The following PRMT8 variants were observed in gnomAD, a reference collection of about 807,000 sequenced individuals.
PRMT8 encodes the protein protein arginine methyltransferase 8.
PRMT8 carries 7 observed loss-of-function variants against 47.1 expected under a neutral mutation model. That is an observed-to-expected ratio of 0.15 (90% CI 0.08 to 0.28). The LOEUF is 0.28. Ranked by LOEUF, PRMT8 falls within the 10% of genes least tolerant of loss-of-function variation. The pLI, the probability that PRMT8 is intolerant of heterozygous loss-of-function variation, is 1.00. For missense variants in PRMT8, 237 were observed against 505.4 expected (o/e 0.47, Z 5.09); for synonymous variants, 188 against 186.5 (o/e 1.01, Z -0.07).
chr12:3,454,284 C>T (rs576397331), intron 1 of PRMT8, among the ~76,000 whole-genome samples: 16 of 152,334 alleles, frequency 1.1e-4, no homozygotes, highest in African/African-American at 3.8e-4. Flanking sequence ...TTCCCAGGAC[C>T]TGGTTCCTCA....
chr12:3,489,836 C>CGT (rs1865359690), upstream of PRMT8, among the ~76,000 whole-genome samples: 2 of 108,106 alleles, frequency 1.9e-5, no homozygotes, highest in African/African-American at 3.6e-5. Flanking sequence ...CACACACACG[C>CGT]GCGCACACAC....
Position 3,564,004 on chromosome 12 carries a change from GA to G in PRMT8, c.482-4701del, listed in dbSNP as rs1866678441. On this transcript the variant is annotated intron_variant, in intron 4 of 9. Transcript: ENST00000382622. This position sits in a 1 kb window ranked among gnomAD's most constrained non-coding sequence, Gnocchi z 4.0. ...AGTAATGATTCTGAATGTTTGTGAG[GA>G]GTCAAATGCTCCGCTATATCCTGGA... is the stretch of plus-strand genomic sequence containing the variant. 6.6e-6 allele frequency among the ~76,000 whole-genome samples: 1 copy of G among 152,006 alleles called. No individual in the cohort carries two copies. The highest frequency in any genetic ancestry group is 6.5e-5 in the Admixed American group (1 of 15,268).
intron 1 of PRMT8, among the ~76,000 whole-genome samples, chr12:3,527,105 G>A (rs1378239851): frequency 6.6e-6 from 1 of 151,854 alleles, no homozygotes; most frequent in Admixed American, 6.6e-5. Flanking sequence ...ATAACTTTTT[G>A]TACTTTTACA....
chr12:3,447,034 G>A (rs1864862817), intron 1 of PRMT8, among the ~76,000 whole-genome samples: 1 of 152,154 alleles, frequency 6.6e-6, no homozygotes, highest in African/African-American at 2.4e-5. Context: ...CTGAGCGGGT[G>A]GGCTTTCCTC....
intron 1 of PRMT8, among the ~76,000 whole-genome samples, chr12:3,460,037 A>C (rs1860426): frequency 0.68 from 103,126 of 152,068 alleles, 35,474 homozygotes; most frequent in Non-Finnish European, 0.75. Flanking sequence ...AGCTGTGTGG[A>C]TCTTACTTTT....
chr12:3,558,150 G>A (rs1198475887), intron 4 of PRMT8, among the ~76,000 whole-genome samples: 2 of 151,954 alleles, frequency 1.3e-5, no homozygotes, highest in African/African-American at 2.4e-5. Flanking sequence ...TTCCCCTGAG[G>A]CATCTCTGTC....
At chr12:3,498,863 A>C (rs1028401544) in intron 1 of PRMT8, among the ~76,000 whole-genome samples, 1 of 152,230 alleles carries the variant, frequency 6.6e-6, no homozygotes, top group African/African-American at 2.4e-5. Context: ...CTTCTTCCAC[A>C]GTTCTGGAAG....
At chr12:3,534,861 G>A (rs1218153245) in intron 1 of PRMT8, among the ~76,000 whole-genome samples, 1 of 152,258 alleles carries the variant, frequency 6.6e-6, no homozygotes, top group Non-Finnish European at 1.5e-5. Flanking sequence ...ACAGATACTG[G>A]TTGACATCTT....
At position 3,491,563 on chromosome 12, in the gene PRMT8, A is replaced by G; in HGVS notation, c.-63A>G. On this transcript the variant is annotated 5_prime_UTR_variant, in exon 1 of 10. Transcript: ENST00000382622. ...TCCCATCCTCTCGCTCTCTCTTTTA[A>G]AGCGACACCAGCTCTCTCTCCTCCT... is the stretch of plus-strand genomic sequence containing the variant. The G allele has an allele frequency of 6.5e-7, 1 of 1,549,280 alleles. No individual in the cohort carries two copies. The highest frequency in any genetic ancestry group is 2.1e-5 in the Admixed American group (1 of 47,748).
chr12:3,395,147 C>A (rs927604003), intron 1 of PRMT8, among the ~76,000 whole-genome samples: 112 of 148,864 alleles, frequency 7.5e-4, no homozygotes, highest in African/African-American at 2.6e-3. Context: ...TTTTGTTGAT[C>A]CTTTCAAAAA....
Position 3,541,910 on chromosome 12 carries a change from C to T in PRMT8, c.261+1119C>T, listed in dbSNP as rs1591593660. Among the ~76,000 whole-genome samples, 6 of 152,298 alleles carry T rather than the reference C, an allele frequency of 3.9e-5. 1 individual carries two copies. In the South Asian group the frequency reaches 1.2e-3, roughly 32 times the overall value. On this transcript the variant is annotated intron_variant, in intron 2 of 9. Transcript: ENST00000382622. ...TAGGCCCTTAAGAATCAAATCAACC[C>T]TCATTCATCCTTGACGGTTTTTTTG...
At position 3,564,677 on chromosome 12, in the gene PRMT8, G is replaced by A. The variant is rs780023874; in HGVS notation, c.482-4029G>A. On this transcript the variant is annotated intron_variant, in intron 4 of 9. Coordinates refer to ENST00000382622, the MANE Select transcript of PRMT8 (RefSeq NM_019854.5). This position sits in a 1 kb window ranked among gnomAD's most constrained non-coding sequence, Gnocchi z 4.0. ...TGGAATAAAAACATGGATCCGGACG[G>A]TGACCTCAGTGCAACCTTGAGTTGA... Among the ~76,000 whole-genome samples the A allele has an allele frequency of 1.2e-4, 18 of 152,264 alleles. No homozygotes were observed. The highest frequency in any genetic ancestry group is 2.5e-4 in the Non-Finnish European group (17 of 68,046).
At chr12:3,559,987 G>T (rs910841420) in intron 4 of PRMT8, among the ~76,000 whole-genome samples, 1 of 152,222 alleles carries the variant, frequency 6.6e-6, no homozygotes. Context: ...GGGAATAGCT[G>T]CCCTCGTGCC....
At chr12:3,417,311 C>A (rs1371101878) in intron 1 of PRMT8, among the ~76,000 whole-genome samples, 1 of 152,182 alleles carries the variant, frequency 6.6e-6, no homozygotes, top group Non-Finnish European at 1.5e-5. Flanking sequence ...GAGAACAAAT[C>A]TTGCCTTCCC....
At chr12:3,382,812 T>G (rs576472840) in intron 1 of PRMT8, among the ~76,000 whole-genome samples, 1 of 152,336 alleles carries the variant, frequency 6.6e-6, no homozygotes, top group Non-Finnish European at 1.5e-5. Flanking sequence ...CATGAAAATT[T>G]TCTCCTGTGC....
At chr12:3,454,556 A>G (rs989475865) in intron 1 of PRMT8, among the ~76,000 whole-genome samples, 1 of 152,138 alleles carries the variant, frequency 6.6e-6, no homozygotes, top group African/African-American at 2.4e-5. Context: ...AGCAGGGGCC[A>G]GGGAAGACGG....
chr12:3,486,091 T>C (rs1418379775), intron 1 of PRMT8, among the ~76,000 whole-genome samples: 1 of 152,228 alleles, frequency 6.6e-6, no homozygotes, highest in East Asian at 1.9e-4. Flanking sequence ...GAGAAAAGGC[T>C]ATAAAACTTC....
chr12:3,447,393 C>A (rs879366530), intron 1 of PRMT8, among the ~76,000 whole-genome samples: 4 of 151,998 alleles, frequency 2.6e-5, no homozygotes, highest in Admixed American at 6.6e-5. Flanking sequence ...TTTTTGTTTT[C>A]TCTATCTGCT....
intron 1 of PRMT8, among the ~76,000 whole-genome samples, chr12:3,422,310 A>G (rs1467298849): frequency 6.6e-6 from 1 of 152,230 alleles, no homozygotes; most frequent in African/African-American, 2.4e-5. Context: ...TGGGTTTTGG[A>G]ATCAGGCAGG....
Sources: allele counts gnomAD v4.1 joint callset (sites outside exome capture counted in the v4.1 genomes callset), GRCh38; gene constraint gnomAD v4.1.1; non-coding constraint Gnocchi (gnomAD v3.1); transcripts MANE v1.5; gene names NCBI Gene and HGNC (gene_info 2026-07-23, HGNC 2026-07-21).